The following ATP10B variants were observed in gnomAD, a reference collection of about 807,000 sequenced individuals.
ATP10B encodes ATPase phospholipid transporting 10B (putative).
ATP10B carries 122 observed loss-of-function variants against 141.2 expected under a neutral mutation model. The observed-to-expected ratio is 0.86, with a 90% CI of 0.75 to 1.00. ATP10B has a LOEUF of 1.00. Among genes scored for constraint, ATP10B ranks in the 50% least tolerant of loss-of-function variants. The probability of loss-of-function intolerance (pLI) is 0.00; values close to 1 mark genes in which losing one functional copy is unlikely to be tolerated. For missense variants in ATP10B, 1,876 were observed against 1,825.3 expected (o/e 1.03, Z -0.51); for synonymous variants, 685 against 692.0 (o/e 0.99, Z 0.16).
At chr5:160,627,597 A>AT (rs1686967976) in intron 13 of ATP10B, among the ~76,000 whole-genome samples, 1 of 152,194 alleles carries the variant, frequency 6.6e-6, no homozygotes, top group South Asian at 2.1e-4. Flanking sequence ...CAATTTAGCA[A>AT]TTATGCTCTA....
chr5:160,798,636 A>G (rs1199718890), intron 1 of ATP10B, among the ~76,000 whole-genome samples: 3 of 152,206 alleles, frequency 2.0e-5, no homozygotes, highest in East Asian at 1.9e-4. Context: ...TCTAACTGCC[A>G]GAACTGTGAA....
At chr5:160,656,849 C>T (rs1176691186) in intron 7 of ATP10B, among the ~76,000 whole-genome samples, 1 of 152,174 alleles carries the variant, frequency 6.6e-6, no homozygotes, top group Non-Finnish European at 1.5e-5. Context: ...CAACAAAACT[C>T]TTTCCTCAAA....
In ATP10B at chr5:160,652,910, CA is replaced by C. The variant is rs1561701756; in HGVS notation, c.676-3655del. On this transcript the variant is annotated intron_variant, in intron 7 of 25. Coordinates refer to ENST00000327245, the MANE Select transcript of ATP10B (RefSeq NM_025153.3). Reference sequence around the variant, plus strand: ...ATAATTATATAATATATTATATATACATGTATATATAATATATTATATATAC... The same window carrying C: ...ATAATTATATAATATATTATATATACTGTATATATAATATATTATATATAC... Among the ~76,000 whole-genome samples the C allele has an allele frequency of 5.7e-4, 34 of 59,556 alleles. 1 individual carries two copies. The East Asian group carries it at 0.016, about 28-fold the overall frequency. 39.1% of individuals were successfully genotyped at this position (59,556 alleles called of 152,430 possible). A position where few individuals can be genotyped will look rare whatever the true frequency, so the allele number is the denominator to read the frequency against.
intron 1 of ATP10B, among the ~76,000 whole-genome samples, chr5:160,816,514 C>T (rs948920446): frequency 5.9e-5 from 9 of 152,060 alleles, no homozygotes; most frequent in African/African-American, 2.2e-4. Context: ...TAATTAATAG[C>T]TTACCAACCA....
At chr5:160,815,710 T>C (rs932039325) in intron 1 of ATP10B, among the ~76,000 whole-genome samples, 2 of 152,118 alleles carry the variant, frequency 1.3e-5, no homozygotes, top group African/African-American at 4.8e-5. Context: ...ACAGAATATA[T>C]TCTTTTCACC....
chr5:160,652,898 ATATTATATATACATG>A (rs1292744519), intron 7 of ATP10B, among the ~76,000 whole-genome samples: 2 of 66,416 alleles, frequency 3.0e-5, no homozygotes, highest in Non-Finnish European at 4.9e-5. Flanking sequence ...ATTATATAAT[ATATTATATATACATG>A]TATATATAAT....
intron 1 of ATP10B, among the ~76,000 whole-genome samples, chr5:160,791,109 A>T (rs1173640801): frequency 6.6e-6 from 1 of 152,172 alleles, no homozygotes; most frequent in Non-Finnish European, 1.5e-5. Context: ...ACTGCCAAGG[A>T]ACAAAATTCA....
rs528212741 is a variant in ATP10B, at chr5:160,592,652, C to T, written c.3565-1513G>A. ...AAGCACAAGGGGTCAGGGAGTTCCCCTTCCTAGTCAAAGAAAGGGGTGACA... is the reference window on the plus strand; with the variant it reads ...AAGCACAAGGGGTCAGGGAGTTCCCTTTCCTAGTCAAAGAAAGGGGTGACA... On this transcript the variant is annotated intron_variant, in intron 22 of 25. Coordinates refer to ENST00000327245, the MANE Select transcript of ATP10B (RefSeq NM_025153.3). Among the ~76,000 whole-genome samples the T allele has an allele frequency of 2.0e-3, 298 of 152,346 alleles. 1 individual carries two copies. Among genetic ancestry groups the T allele is most frequent in the African/African-American group, 6.9e-3 (287 of 41,584 alleles).
rs776191749 is a variant in ATP10B at position 160,598,779 on chromosome 5, C to G, written c.3555G>C (p.Gln1185His). The stretch of plus-strand genomic sequence containing the variant: ...TGCCCGATCTCCTTACCTCAGAGTT[C>G]TGGCCACTCTTGTATAGCTCAGGCA... Reference protein sequence around the residue: ...LALPELYKSGQNSECYNLSTF... With the variant: ...LALPELYKSGHNSECYNLSTF... Residue 1185 changes from glutamine to histidine, a missense_variant, in exon 22 of 26, where the codon CAG becomes CAC. By Grantham distance (24) the Gln-to-His change is conservative. Transcript: ENST00000327245. 3.7e-6 allele frequency: 6 copies of G among 1,613,938 alleles called. No individual in the cohort carries two copies. The highest frequency in any genetic ancestry group is 3.3e-5 in the Admixed American group (2 of 60,008).
At chr5:160,698,113 C>G (rs1308590469) in intron 3 of ATP10B, among the ~76,000 whole-genome samples, 4 of 152,086 alleles carry the variant, frequency 2.6e-5, no homozygotes, top group Non-Finnish European at 5.9e-5. Context: ...TATCCTACTG[C>G]TTATGTGCCA....
At chr5:160,786,044 T>TA (rs1384915137) in intron 1 of ATP10B, among the ~76,000 whole-genome samples, 1 of 152,150 alleles carries the variant, frequency 6.6e-6, no homozygotes, top group Non-Finnish European at 1.5e-5. Context: ...GTCCCAGAGA[T>TA]CCTCAGCTAA....
intron 7 of ATP10B, among the ~76,000 whole-genome samples, chr5:160,657,178 T>C (rs1415494304): frequency 2.0e-5 from 3 of 152,172 alleles, no homozygotes; most frequent in Admixed American, 2.0e-4. Flanking sequence ...AGTTTTTTTT[T>C]TCATTTTAAG....
chr5:160,870,055 G>A, the ATP10B span, among the ~76,000 whole-genome samples: 1 of 152,138 alleles, frequency 6.6e-6, no homozygotes, highest in Non-Finnish European at 1.5e-5. Context: ...AATATGATCA[G>A]AGCCTAACTG....
At chr5:160,728,783 G>T (rs201265690) in intron 2 of ATP10B, among the ~76,000 whole-genome samples, 92 of 80,376 alleles carry the variant, frequency 1.1e-3, no homozygotes, top group Non-Finnish European at 5.7e-4. Context: ...ACTGTTTCAC[G>T]GAACCCTTTT....
intron 19 of ATP10B, 36 bp downstream of exon 19, chr5:160,606,729 G>A (rs1345850239): frequency 3.1e-6 from 5 of 1,587,306 alleles, no homozygotes; most frequent in South Asian, 2.3e-5. Context: ...GATCATCCCT[G>A]CCAAAGTGCC....
intron 1 of ATP10B, among the ~76,000 whole-genome samples, chr5:160,789,861 G>GTATC (rs1771442587): frequency 6.6e-6 from 1 of 152,128 alleles, no homozygotes; most frequent in African/African-American, 2.4e-5. Context: ...GAGGACTTAG[G>GTATC]TATCTGTTAA....
At chr5:160,782,239 C>T (rs1770764702) in intron 2 of ATP10B, among the ~76,000 whole-genome samples, 1 of 152,108 alleles carries the variant, frequency 6.6e-6, no homozygotes, top group African/African-American at 2.4e-5. Flanking sequence ...GCAACAACCA[C>T]CAGAACTGGC....
chr5:160,648,187 A>G (rs981592980), intron 8 of ATP10B, among the ~76,000 whole-genome samples: 1 of 152,226 alleles, frequency 6.6e-6, no homozygotes, highest in Non-Finnish European at 1.5e-5. Flanking sequence ...AAGATTACAC[A>G]TGACAATGTT....
At chr5:160,665,413 G>A (rs1278140903) in intron 7 of ATP10B, among the ~76,000 whole-genome samples, 1 of 152,160 alleles carries the variant, frequency 6.6e-6, no homozygotes, top group Non-Finnish European at 1.5e-5. Flanking sequence ...TTTCTGAAAA[G>A]GTCCATAGGA....
Sources: gnomAD v4.1 joint callset for allele counts (sites outside exome capture counted in the v4.1 genomes callset) on GRCh38, gnomAD v4.1.1 for gene constraint, MANE v1.5 for transcripts, NCBI Gene and HGNC (gene_info 2026-07-23, HGNC 2026-07-21) for gene names.